Variants in NLGN1 observed in about 807,000 individuals in gnomAD.
NLGN1 encodes neuroligin-1.
In NLGN1, 12 loss-of-function variants were observed where a neutral mutation model predicts 65.5. That is an observed-to-expected ratio of 0.18 (90% CI 0.12 to 0.30). The LOEUF (loss-of-function observed/expected upper bound fraction) is 0.30. NLGN1 is among the 10% of genes least tolerant of loss of function. NLGN1 has a pLI of 1.00. For missense variants in NLGN1, 750 were observed against 1,007.1 expected, an observed-to-expected ratio of 0.74 and a Z score of 3.46; for synonymous variants, 350 against 359.5, an observed-to-expected ratio of 0.97 and a Z score of 0.30.
chr3:173,759,027 T>C (rs527517710), intron 3 of NLGN1, among the ~76,000 whole-genome samples: 1 of 151,968 alleles, frequency 6.6e-6, no homozygotes, highest in East Asian at 1.9e-4. Flanking sequence ...GTTCAGCCTA[T>C]ACATAGTAAG....
intron 4 of NLGN1, among the ~76,000 whole-genome samples, chr3:174,050,582 C>T (rs958242049): frequency 3.9e-5 from 6 of 151,966 alleles, no homozygotes; most frequent in African/African-American, 9.7e-5. Flanking sequence ...AGTTATGTCA[C>T]GTTTTGACAA....
chr3:174,071,528 A>G (rs1739865933), intron 4 of NLGN1, among the ~76,000 whole-genome samples: 1 of 151,986 alleles, frequency 6.6e-6, no homozygotes, highest in South Asian at 2.1e-4. Context: ...CAAAAACAAA[A>G]CAAAACCAAA....
intron 2 of NLGN1, among the ~76,000 whole-genome samples, chr3:173,437,061 C>T (rs1718270857): frequency 6.6e-6 from 1 of 152,188 alleles, no homozygotes; most frequent in Non-Finnish European, 1.5e-5. Flanking sequence ...CTGACTCAGA[C>T]ATTAGCAATA....
chr3:173,873,446 C>A (rs766580209), intron 4 of NLGN1, among the ~76,000 whole-genome samples: 5 of 152,040 alleles, frequency 3.3e-5, no homozygotes, highest in Non-Finnish European at 7.4e-5. Flanking sequence ...GAAAAATATT[C>A]TCTGTCAGTA....
At chr3:173,604,834 A>G in exon 3 of NLGN1, 2 of 1,613,740 alleles carry the variant, frequency 1.2e-6, no homozygotes, top group Non-Finnish European at 1.7e-6. Context: ...CCTGTTATTC[A>G]ATTTCTTGGG....
intron 4 of NLGN1, among the ~76,000 whole-genome samples, chr3:174,007,554 G>A (rs9883210): frequency 0.07 from 10,613 of 152,100 alleles, 1,067 homozygotes; most frequent in African/African-American, 0.22. Flanking sequence ...ATATCCTTAG[G>A]ATGGGTTATA....
intron 1 of NLGN1, among the ~76,000 whole-genome samples, chr3:173,421,537 C>T (rs1051916342): frequency 6.6e-6 from 1 of 151,678 alleles, no homozygotes; most frequent in East Asian, 1.9e-4. Context: ...GAGACAGGGT[C>T]TCTGTCACGC....
chr3:173,883,432 A>T (rs899754451), intron 4 of NLGN1, among the ~76,000 whole-genome samples: 1 of 152,204 alleles, frequency 6.6e-6, no homozygotes, highest in Non-Finnish European at 1.5e-5. Flanking sequence ...ATAACAAATA[A>T]TAATAATGAA....
intron 3 of NLGN1, among the ~76,000 whole-genome samples, chr3:173,647,749 T>A (rs1454226253): frequency 6.6e-6 from 1 of 152,102 alleles, no homozygotes; most frequent in Non-Finnish European, 1.5e-5. Context: ...ATCAGCTTCA[T>A]TTTATGAAAC....
chr3:173,825,261 A>G lies in NLGN1; in HGVS notation c.646+17429A>G, dbSNP rs541195650. ...CAAAAATTATTTTTGAAATGTTGAG[A>G]GCATGATTAATTTTCATTTATTTTT... On this transcript the variant is annotated intron_variant, in intron 4 of 6. Coordinates refer to ENST00000457714, the Ensembl canonical transcript of NLGN1. 1.3e-4 allele frequency among the ~76,000 whole-genome samples: 20 copies of G among 152,196 alleles called. No individual in the cohort carries two copies. In the East Asian group the frequency reaches 2.9e-3, roughly 22 times the overall value.
intron 4 of NLGN1, among the ~76,000 whole-genome samples, chr3:174,101,864 T>C (rs1296627070): frequency 6.6e-6 from 1 of 152,000 alleles, no homozygotes; most frequent in Non-Finnish European, 1.5e-5. Flanking sequence ...TCATAAGTGC[T>C]CCCCAAAAGG....
At chr3:173,664,582 G>A (rs762037701) in intron 3 of NLGN1, among the ~76,000 whole-genome samples, 4 of 152,086 alleles carry the variant, frequency 2.6e-5, no homozygotes, top group East Asian at 3.9e-4. Flanking sequence ...ATTATTGCGC[G>A]AAGGGAAAGG....
intron 4 of NLGN1, among the ~76,000 whole-genome samples, chr3:174,148,486 A>G (rs1405167185): frequency 6.6e-6 from 1 of 152,090 alleles, no homozygotes; most frequent in African/African-American, 2.4e-5. Flanking sequence ...CTACACTTGC[A>G]TTTTTTCTCT....
intron 4 of NLGN1, among the ~76,000 whole-genome samples, chr3:174,049,007 T>C (rs2152500233): frequency 6.6e-6 from 1 of 152,028 alleles, no homozygotes; most frequent in East Asian, 1.9e-4. Flanking sequence ...GCATCTTTGG[T>C]AAAGATGGGT....
At chr3:173,635,304 C>A (rs1756405980) in intron 3 of NLGN1, among the ~76,000 whole-genome samples, 1 of 152,028 alleles carries the variant, frequency 6.6e-6, no homozygotes, top group Admixed American at 6.6e-5. Flanking sequence ...GAGTTATTAT[C>A]TTTGGAACAA....
At chr3:173,783,919 A>C (rs1781566067) in intron 3 of NLGN1, among the ~76,000 whole-genome samples, 1 of 152,098 alleles carries the variant, frequency 6.6e-6, no homozygotes, top group Admixed American at 6.5e-5. Flanking sequence ...TTTTGAAGAG[A>C]TCTGTTTTAT....
chr3:174,205,848 A>G (rs1234265686), intron 4 of NLGN1, among the ~76,000 whole-genome samples: 1 of 152,226 alleles, frequency 6.6e-6, no homozygotes, highest in East Asian at 1.9e-4. Flanking sequence ...AGTATGTCCC[A>G]GAACTGCTAA....
intron 4 of NLGN1, among the ~76,000 whole-genome samples, chr3:174,203,758 A>C (rs1734927463): frequency 6.6e-6 from 1 of 152,212 alleles, no homozygotes; most frequent in Non-Finnish European, 1.5e-5. Flanking sequence ...CATATTTTTC[A>C]TAAGGTATAT....
chr3:173,466,902 C>T (rs938281695), intron 2 of NLGN1, among the ~76,000 whole-genome samples: 2 of 152,104 alleles, frequency 1.3e-5, no homozygotes, highest in African/African-American at 4.8e-5. Flanking sequence ...AGCACATTTT[C>T]ATTTAAACAA....
Sources: gnomAD v4.1 joint callset for allele counts (sites outside exome capture counted in the v4.1 genomes callset) on GRCh38, gnomAD v4.1.1 for gene constraint, MANE v1.5 for transcripts, NCBI Gene and HGNC (gene_info 2026-07-23, HGNC 2026-07-21) for gene names.